Variants in ATP6V1H observed in about 807,000 individuals in gnomAD.
The protein encoded by ATP6V1H is ATPase H+ transporting V1 subunit H.
In ATP6V1H, 39 loss-of-function variants were observed where a neutral mutation model predicts 71.7. The observed-to-expected ratio is 0.54, with a 90% CI of 0.42 to 0.71. ATP6V1H has a LOEUF of 0.71. Among genes scored for constraint, ATP6V1H ranks in the 30% least tolerant of loss-of-function variants. The probability of loss-of-function intolerance (pLI) is 0.00; values close to 1 mark genes in which losing one functional copy is unlikely to be tolerated. For missense variants in ATP6V1H, 509 were observed against 594.9 expected, an observed-to-expected ratio of 0.86 and a Z score of 1.50; for synonymous variants, 192 against 199.3, an observed-to-expected ratio of 0.96 and a Z score of 0.31.
At chr8:53,732,837 C>T (rs1315077854) in intron 13 of ATP6V1H, among the ~76,000 whole-genome samples, 1 of 152,042 alleles carries the variant, frequency 6.6e-6, no homozygotes, top group African/African-American at 2.4e-5. Flanking sequence ...CCAGCAGCCC[C>T]CCAGGAACCA....
chr8:53,765,082 G>A (rs1808403709), intron 11 of ATP6V1H, among the ~76,000 whole-genome samples: 1 of 151,866 alleles, frequency 6.6e-6, no homozygotes, highest in African/African-American at 2.4e-5. Context: ...TCCAATCTGG[G>A]TGACAGAGCT....
chr8:53,797,596 A>T (rs1307383164), intron 8 of ATP6V1H, among the ~76,000 whole-genome samples: 1 of 152,136 alleles, frequency 6.6e-6, no homozygotes, highest in African/African-American at 2.4e-5. Flanking sequence ...TAATGATTCC[A>T]GTCTCTTACC....
chr8:53,737,922 C>T (rs540030847), intron 13 of ATP6V1H, among the ~76,000 whole-genome samples: 12 of 152,230 alleles, frequency 7.9e-5, no homozygotes, highest in Admixed American at 4.6e-4. Context: ...AAAAACCTGT[C>T]AATTCATTTC....
Position 53,820,299 on chromosome 8 carries a change from G to A in ATP6V1H, c.307-2769C>T, listed in dbSNP as rs183302588. 2.2e-3 allele frequency among the ~76,000 whole-genome samples: 335 copies of A among 150,974 alleles called. 2 individuals are homozygous for A. Among genetic ancestry groups the A allele is most frequent in the African/African-American group, 7.7e-3 (318 of 41,170 alleles). ...AGAGATAATAAGGTTTAAAAAAAAA[G>A]AAGAAGAAGAAGAAGAAGCATCTTT... is the stretch of plus-strand genomic sequence containing the variant. On this transcript the variant is annotated intron_variant, in intron 4 of 13. Transcript: ENST00000359530.
chr8:53,720,982 C>T (rs189434216), intron 13 of ATP6V1H, among the ~76,000 whole-genome samples: 108 of 152,266 alleles, frequency 7.1e-4, no homozygotes, highest in African/African-American at 2.5e-3. Flanking sequence ...GTCATAATTA[C>T]GTTTCTTAAT....
chr8:53,814,927 A>T (rs1425819337), intron 5 of ATP6V1H, among the ~76,000 whole-genome samples, 161 bp from the exon 6 acceptor site: 1 of 152,242 alleles, frequency 6.6e-6, no homozygotes, highest in Non-Finnish European at 1.5e-5. Flanking sequence ...TATATTTTGA[A>T]ACAAACATTA....
intron 4 of ATP6V1H, among the ~76,000 whole-genome samples, chr8:53,822,792 A>G (rs774430247): frequency 6.6e-6 from 1 of 152,190 alleles, no homozygotes; most frequent in Non-Finnish European, 1.5e-5. Context: ...TAAAAAAGGG[A>G]CAGGCAAAGA....
At chr8:53,733,723 C>A (rs550309528) in intron 13 of ATP6V1H, among the ~76,000 whole-genome samples, 8 of 152,294 alleles carry the variant, frequency 5.3e-5, no homozygotes, top group African/African-American at 1.9e-4. Context: ...CCAAACTTGG[C>A]AGTACTGGCC....
chr8:53,767,530 T>A (rs572205694), intron 11 of ATP6V1H, among the ~76,000 whole-genome samples: 85 of 152,226 alleles, frequency 5.6e-4, no homozygotes, highest in Non-Finnish European at 9.4e-4. Flanking sequence ...TCTTTTTTTT[T>A]ATAAAAAGAA....
At chr8:53,731,300 C>G (rs970922573) in intron 13 of ATP6V1H, among the ~76,000 whole-genome samples, 6 of 152,276 alleles carry the variant, frequency 3.9e-5, no homozygotes, top group African/African-American at 1.4e-4. Context: ...AGGAGACCAC[C>G]TCTCTTATTG....
At chr8:53,756,959 T>C (rs1808089060) in intron 11 of ATP6V1H, among the ~76,000 whole-genome samples, 1 of 152,168 alleles carries the variant, frequency 6.6e-6, no homozygotes, top group African/African-American at 2.4e-5. Context: ...ATAGATCTTT[T>C]CCAATTATAT....
At chr8:53,726,976 C>T (rs1425480456) in intron 13 of ATP6V1H, among the ~76,000 whole-genome samples, 1 of 152,244 alleles carries the variant, frequency 6.6e-6, no homozygotes, top group Non-Finnish European at 1.5e-5. Flanking sequence ...ATGAATTGGA[C>T]ACCTCACCCC....
intron 4 of ATP6V1H, among the ~76,000 whole-genome samples, chr8:53,829,120 A>G (rs978463186): frequency 5.9e-5 from 9 of 152,232 alleles, no homozygotes; most frequent in South Asian, 2.1e-4. Context: ...AGAAGGAGCC[A>G]TATCATCCAT....
intron 11 of ATP6V1H, among the ~76,000 whole-genome samples, chr8:53,757,451 G>A (rs1416615329): frequency 6.6e-6 from 1 of 152,204 alleles, no homozygotes; most frequent in Non-Finnish European, 1.5e-5. Flanking sequence ...ATGTGTGCAA[G>A]CAGAGATCAT....
intron 9 of ATP6V1H, among the ~76,000 whole-genome samples, chr8:53,794,340 T>A (rs2130409506): frequency 6.6e-6 from 1 of 152,288 alleles, no homozygotes; most frequent in Non-Finnish European, 1.5e-5. Context: ...AATTTTGCAA[T>A]ACATCTGTAC....
chr8:53,794,129 TA>T (rs1809654489), intron 9 of ATP6V1H, among the ~76,000 whole-genome samples: 1 of 151,784 alleles, frequency 6.6e-6, no homozygotes. Context: ...AAATAGCCAT[TA>T]AAAAAAATAC....
chr8:53,782,620 A>G (rs1435912880), intron 9 of ATP6V1H, among the ~76,000 whole-genome samples: 1 of 152,112 alleles, frequency 6.6e-6, no homozygotes, highest in Non-Finnish European at 1.5e-5. Context: ...GTCTTGTGCC[A>G]GTTTTCAAAG....
At chr8:53,795,613 C>T in intron 9 of ATP6V1H, 34 bp downstream of exon 9, 6 of 1,591,318 alleles carry the variant, frequency 3.8e-6, no homozygotes, top group Non-Finnish European at 5.1e-6. Context: ...TGAAAAATGC[C>T]TCACATACAC....
At chr8:53,819,547 CATATATATAT>C (rs34645455) in intron 4 of ATP6V1H, among the ~76,000 whole-genome samples, 1,615 of 35,128 alleles carry the variant, frequency 0.046, 150 homozygotes, top group African/African-American at 0.14. Flanking sequence ...AAAAAAAAAG[CATATATATAT>C]ATATATATAT....
Sources: allele counts gnomAD v4.1 joint callset (sites outside exome capture counted in the v4.1 genomes callset), GRCh38; gene constraint gnomAD v4.1.1; transcripts MANE v1.5; gene names NCBI Gene and HGNC (gene_info 2026-07-23, HGNC 2026-07-21).